Variants in CCND3 observed in about 807,000 individuals in gnomAD.
CCND3 encodes the protein G1/S-specific cyclin-D3.
CCND3 carries 9 observed loss-of-function variants against 28.7 expected under a neutral mutation model. The observed-to-expected ratio is 0.31, with a 90% CI of 0.19 to 0.55. CCND3 has a LOEUF of 0.55. CCND3 is among the 20% of genes least tolerant of loss of function. The pLI is 0.93. For synonymous variants in CCND3, 164 were observed against 163.9 expected (o/e 1.00, Z 0.00); for missense variants, 315 against 385.8 (o/e 0.82, Z 1.54).
At chr6:42,017,688 G>A (rs1442227037) in intron 1 of CCND3, among the ~76,000 whole-genome samples, 1 of 152,088 alleles carries the variant, frequency 6.6e-6, no homozygotes, top group Admixed American at 6.6e-5. Flanking sequence ...AAGTGTCTAT[G>A]GAAATAGTGT....
chr6:41,996,219 G>A (rs1242188050), intron 1 of CCND3, among the ~76,000 whole-genome samples: 10 of 149,536 alleles, frequency 6.7e-5, no homozygotes, highest in African/African-American at 9.8e-5. Context: ...GCATGATCTC[G>A]GCTCACTGCA....
At chr6:41,943,901 C>G (rs1217732314), upstream of CCND3, among the ~76,000 whole-genome samples, 1 of 152,148 alleles carries the variant, frequency 6.6e-6, no homozygotes, top group African/African-American at 2.4e-5. Flanking sequence ...TTTGTTTTCT[C>G]TTATTGACTT....
intron 1 of CCND3, among the ~76,000 whole-genome samples, chr6:41,961,371 A>T (rs1761712563): frequency 6.6e-6 from 1 of 152,138 alleles, no homozygotes; most frequent in South Asian, 2.1e-4. Flanking sequence ...GTTTGAGACC[A>T]GCCTGGCCAT....
At chr6:41,959,679 T>TCCGTCTCAAAAAAAAAAAAAAA (rs772818142) in intron 1 of CCND3, among the ~76,000 whole-genome samples, 16,526 of 145,582 alleles carry the variant, frequency 0.11, 1,307 homozygotes, top group East Asian at 0.19. Flanking sequence ...ACAGCAAGAC[T>TCCGTCTCAAAAAAAAAAAAAAA]AAATCAGGCC....
intron 1 of CCND3, among the ~76,000 whole-genome samples, chr6:42,020,844 T>C (rs4320368): frequency 0.98 from 149,591 of 152,308 alleles, 73,521 homozygotes; most frequent in East Asian, 1. Flanking sequence ...CTCTGCCTTC[T>C]GGGTTCAAGT....
At chr6:42,029,348 C>T (rs926812109) in intron 1 of CCND3, among the ~76,000 whole-genome samples, 1 of 151,978 alleles carries the variant, frequency 6.6e-6, no homozygotes, top group Non-Finnish European at 1.5e-5. Flanking sequence ...CTAGTCCTGG[C>T]TATTATTAAC....
intron 1 of CCND3, among the ~76,000 whole-genome samples, chr6:41,984,624 A>AG (rs1272975644): frequency 6.6e-6 from 1 of 152,218 alleles, no homozygotes; most frequent in African/African-American, 2.4e-5. Flanking sequence ...TTGGGATTAC[A>AG]GGCATGAGCC....
At chr6:42,030,411 G>C (rs1306680999) in intron 1 of CCND3, among the ~76,000 whole-genome samples, 1 of 152,140 alleles carries the variant, frequency 6.6e-6, no homozygotes, top group Non-Finnish European at 1.5e-5. Context: ...GATACCCCTA[G>C]ATACTATGAT....
rs1414920835 is a variant in CCND3, at chr6:42,039,569, G to A, written c.-46+8932C>T. Among the ~76,000 whole-genome samples, 7 of 152,136 alleles carry A rather than the reference G, an allele frequency of 4.6e-5. No homozygotes were observed. The East Asian group carries it at 5.8e-4, about 13-fold the overall frequency. On this transcript the variant is annotated intron_variant, in intron 1 of 4. Coordinates refer to the CCND3 transcript ENST00000372988. ...TACGCTCTCAGCTGCTGGCCTAATC[G>A]CACACTCCTCCCAAAGCCTGAGTCT...
chr6:41,982,932 C>A (rs1386339710), intron 1 of CCND3, among the ~76,000 whole-genome samples: 1 of 146,330 alleles, frequency 6.8e-6, no homozygotes, highest in Non-Finnish European at 1.5e-5. Context: ...ATGCTCTTCA[C>A]TAAGGTCAAC....
chr6:42,006,838 G>C (rs925271116), intron 1 of CCND3, among the ~76,000 whole-genome samples: 1 of 151,788 alleles, frequency 6.6e-6, no homozygotes, highest in African/African-American at 2.4e-5. Flanking sequence ...AACCCAGGGG[G>C]CAGAGCTTGC....
intron 1 of CCND3, among the ~76,000 whole-genome samples, chr6:41,999,061 T>G (rs1762906438): frequency 6.6e-6 from 1 of 152,120 alleles, no homozygotes; most frequent in South Asian, 2.1e-4. Context: ...ATGAGAAAAC[T>G]GACATAAAAA....
intron 1 of CCND3, among the ~76,000 whole-genome samples, chr6:41,963,332 T>C (rs1761772311): frequency 6.6e-6 from 1 of 152,246 alleles, no homozygotes; most frequent in Non-Finnish European, 1.5e-5. Flanking sequence ...GAAGGTGTGA[T>C]GTGAGACACA....
intron 1 of CCND3, among the ~76,000 whole-genome samples, chr6:41,973,344 C>T (rs1250634961): frequency 6.6e-6 from 1 of 152,162 alleles, no homozygotes; most frequent in Non-Finnish European, 1.5e-5. Context: ...AAACAACATT[C>T]CTGCCATTTC....
At chr6:41,967,060 C>A (rs1054163733) in intron 1 of CCND3, among the ~76,000 whole-genome samples, 1 of 152,080 alleles carries the variant, frequency 6.6e-6, no homozygotes, top group Non-Finnish European at 1.5e-5. Context: ...TCCTGGATTC[C>A]CTAGCAGAGG....
chr6:41,937,408 GA>G lies in CCND3; in HGVS notation c.415-15del. Reference sequence around the variant, plus strand: ...CACCTCCCAGTCCTGAAAAAGCGGGGAAAGGGTGGGGTCAGTGGCTGGAGAA... The same window carrying G: ...CACCTCCCAGTCCTGAAAAAGCGGGGAAGGGTGGGGTCAGTGGCTGGAGAA... On this transcript the variant is annotated splice_polypyrimidine_tract_variant and intron_variant, in intron 2 of 4. Coordinates refer to ENST00000372991, the MANE Select transcript of CCND3 (RefSeq NM_001760.5). 1 of 1,613,876 alleles carries G rather than the reference GA, an allele frequency of 6.2e-7. No homozygotes were observed. The highest frequency in any genetic ancestry group is 1.1e-5 in the South Asian group (1 of 91,066).
chr6:42,040,097 C>T (rs1303421995), intron 1 of CCND3, among the ~76,000 whole-genome samples: 2 of 152,234 alleles, frequency 1.3e-5, no homozygotes. Flanking sequence ...CATGTGCACA[C>T]ACACGTGTGT....
At chr6:41,974,020 T>C (rs1463216956) in intron 1 of CCND3, among the ~76,000 whole-genome samples, 1 of 152,138 alleles carries the variant, frequency 6.6e-6, no homozygotes, top group Non-Finnish European at 1.5e-5. Flanking sequence ...CCATCTCTAC[T>C]AAAAATTCCA....
chr6:42,042,845 C>T (rs934239016), intron 1 of CCND3, among the ~76,000 whole-genome samples: 2 of 151,136 alleles, frequency 1.3e-5, no homozygotes, highest in African/African-American at 4.8e-5. Flanking sequence ...GAGGTGGGGT[C>T]TATAGTTATG....
Sources: allele counts gnomAD v4.1 joint callset (sites outside exome capture counted in the v4.1 genomes callset), GRCh38; gene constraint gnomAD v4.1.1; transcripts MANE v1.5; gene names NCBI Gene and HGNC (gene_info 2026-07-23, HGNC 2026-07-21).